The following GALNTL6 variants were observed in gnomAD, a reference collection of about 807,000 sequenced individuals.
GALNTL6 encodes polypeptide N-acetylgalactosaminyltransferase-like 6.
A neutral mutation model predicts 73.7 loss-of-function variants in GALNTL6; 46 were observed. That is an observed-to-expected ratio of 0.62 (90% CI 0.49 to 0.80). The LOEUF is 0.80. Among genes scored for constraint, GALNTL6 ranks in the 30% least tolerant of loss-of-function variants. The pLI is 0.00. For synonymous variants in GALNTL6, 259 were observed against 263.7 expected, an observed-to-expected ratio of 0.98 and a Z score of 0.17; for missense variants, 604 against 755.0, an observed-to-expected ratio of 0.80 and a Z score of 2.34.
In GALNTL6 at chr4:172,082,547, T is replaced by C. The variant is rs529268476; in HGVS notation, c.139-147109T>C. On this transcript the variant is annotated intron_variant, in intron 2 of 12. Coordinates refer to ENST00000506823, the MANE Select transcript of GALNTL6 (RefSeq NM_001034845.3). ...TTAAATAACTGTATAGGGGAGAATG[T>C]ACCTGCCAAGGAGAAAGACAATGAA... Among the ~76,000 whole-genome samples the C allele has an allele frequency of 1.9e-4, 29 of 152,192 alleles. No individual in the cohort carries two copies. The South Asian group carries it at 4.8e-3, about 25-fold the overall frequency.
chr4:172,212,770 C>T (rs836311), intron 2 of GALNTL6, among the ~76,000 whole-genome samples: 66,922 of 151,898 alleles, frequency 0.44, 16,891 homozygotes, highest in East Asian at 0.78. Flanking sequence ...CGGGTTCAAG[C>T]GATTCTCCTG....
At chr4:171,909,744 T>C (rs10026829) in intron 2 of GALNTL6, among the ~76,000 whole-genome samples, 80,671 of 151,952 alleles carry the variant, frequency 0.53, 21,929 homozygotes, top group Middle Eastern at 0.67. Flanking sequence ...TGTAAGCATT[T>C]ATAACTCCTT....
chr4:172,643,031 A>AG, intron 5 of GALNTL6, among the ~76,000 whole-genome samples: 1 of 151,884 alleles, frequency 6.6e-6, no homozygotes, highest in Non-Finnish European at 1.5e-5. Flanking sequence ...TTAGAAAAAA[A>AG]AATAGATATA....
chr4:172,459,522 G>T (rs984708892), intron 5 of GALNTL6, among the ~76,000 whole-genome samples: 1 of 152,126 alleles, frequency 6.6e-6, no homozygotes, highest in Non-Finnish European at 1.5e-5. Context: ...AAAGTCTCAG[G>T]ATACAAAATT....
At chr4:171,856,125 C>T (rs187316362) in intron 2 of GALNTL6, among the ~76,000 whole-genome samples, 152 of 152,048 alleles carry the variant, frequency 1.0e-3, no homozygotes, top group Middle Eastern at 3.4e-3. Flanking sequence ...TGTTTTGAGA[C>T]GGAGTCTTGC....
At chr4:172,156,268 T>G (rs574577490) in intron 2 of GALNTL6, among the ~76,000 whole-genome samples, 27 of 152,152 alleles carry the variant, frequency 1.8e-4, no homozygotes, top group African/African-American at 5.3e-4. Context: ...GCTATCTTCC[T>G]GGGGCAAGTG....
At chr4:172,129,263 T>C (rs1733390216) in intron 2 of GALNTL6, among the ~76,000 whole-genome samples, 1 of 152,136 alleles carries the variant, frequency 6.6e-6, no homozygotes, top group Non-Finnish European at 1.5e-5. Context: ...GAAAAAAATA[T>C]ACAGGCAGAA....
At chr4:171,968,863 GTCTCGCTCT>G (rs1017106833) in intron 2 of GALNTL6, among the ~76,000 whole-genome samples, 29 of 151,268 alleles carry the variant, frequency 1.9e-4, no homozygotes, top group African/African-American at 6.8e-4. Flanking sequence ...TGGGGACAGA[GTCTCGCTCT>G]GTCACCCAGG....
chr4:173,010,492 TCGA>T (rs1269908705), intron 11 of GALNTL6, among the ~76,000 whole-genome samples: 34 of 152,328 alleles, frequency 2.2e-4, no homozygotes, highest in African/African-American at 8.2e-4. Flanking sequence ...AGGTGTCTCC[TCGA>T]TATACTGATT....
At chr4:172,175,904 G>C (rs1440152899) in intron 2 of GALNTL6, among the ~76,000 whole-genome samples, 1 of 151,816 alleles carries the variant, frequency 6.6e-6, no homozygotes, top group African/African-American at 2.4e-5. Flanking sequence ...AAAATTACAG[G>C]TGTTATAAAA....
intron 2 of GALNTL6, among the ~76,000 whole-genome samples, chr4:171,879,639 A>G (rs1736381981): frequency 1.3e-5 from 2 of 152,222 alleles, no homozygotes; most frequent in Admixed American, 6.5e-5. Flanking sequence ...TTAATAAATC[A>G]TATTTCTTGT....
chr4:171,926,761 A>G (rs1303360433), intron 2 of GALNTL6, among the ~76,000 whole-genome samples: 2 of 152,078 alleles, frequency 1.3e-5, no homozygotes, highest in Non-Finnish European at 1.5e-5. Context: ...TTGCTCTGTG[A>G]ATTTCATGTC....
chr4:172,535,351 G>C (rs1244677404), intron 5 of GALNTL6, among the ~76,000 whole-genome samples: 2 of 152,056 alleles, frequency 1.3e-5, no homozygotes, highest in African/African-American at 4.8e-5. Flanking sequence ...TTCATCTTTG[G>C]AACTAGCCCA....
intron 5 of GALNTL6, among the ~76,000 whole-genome samples, chr4:172,554,888 T>C (rs575975527): frequency 6.6e-6 from 1 of 152,306 alleles, no homozygotes; most frequent in South Asian, 2.1e-4. Flanking sequence ...TAATTTCTTT[T>C]GGTGCTTATT....
chr4:172,472,190 T>G (rs1342772716), intron 5 of GALNTL6, among the ~76,000 whole-genome samples: 2 of 152,218 alleles, frequency 1.3e-5, no homozygotes, highest in Non-Finnish European at 2.9e-5. Flanking sequence ...GTCTAAGAGT[T>G]GCATGGGTCA....
At chr4:172,454,162 G>A (rs539414070) in intron 5 of GALNTL6, among the ~76,000 whole-genome samples, 2 of 152,270 alleles carry the variant, frequency 1.3e-5, no homozygotes, top group African/African-American at 4.8e-5. Context: ...AGGCTTCAGG[G>A]AGTCAGAAAA....
At chr4:172,970,876 A>C (rs971336378) in intron 10 of GALNTL6, among the ~76,000 whole-genome samples, 1 of 152,232 alleles carries the variant, frequency 6.6e-6, no homozygotes, top group East Asian at 1.9e-4. Flanking sequence ...GTGTAAGCAA[A>C]TATAAAAGTA....
chr4:172,813,518 A>AT, intron 6 of GALNTL6, 22 bp from the exon 7 acceptor site: 1 of 1,579,442 alleles, frequency 6.3e-7, no homozygotes, highest in Non-Finnish European at 8.7e-7. Context: ...GTCATTTCCT[A>AT]TTTTGTGCTT....
At chr4:172,839,982 A>G (rs928283870) in intron 7 of GALNTL6, among the ~76,000 whole-genome samples, 1 of 152,234 alleles carries the variant, frequency 6.6e-6, no homozygotes, top group Non-Finnish European at 1.5e-5. Context: ...CTTACCCTAT[A>G]GAGGTATGAT....
Sources: allele counts gnomAD v4.1 joint callset (sites outside exome capture counted in the v4.1 genomes callset), GRCh38; gene constraint gnomAD v4.1.1; transcripts MANE v1.5; gene names NCBI Gene and HGNC (gene_info 2026-07-23, HGNC 2026-07-21).